Variants in PCDH19 observed in about 807,000 individuals in gnomAD.
PCDH19 encodes protocadherin 19, also known as protocadherin-19.
Under a neutral mutation model 46.2 loss-of-function variants are expected in PCDH19, and 6 were observed. The ratio of observed to expected loss-of-function variants is 0.13; its 90% CI spans 0.07 to 0.26. The LOEUF (loss-of-function observed/expected upper bound fraction) is 0.26, where lower values mean the gene tolerates loss of function less well. Ranked by LOEUF, PCDH19 falls within the 10% of genes least tolerant of loss-of-function variation. PCDH19 has a pLI of 1.00. For synonymous variants in PCDH19, 481 were observed against 415.7 expected (o/e 1.16, Z -1.91); for missense variants, 740 against 972.3 (o/e 0.76, Z 3.18).
In PCDH19 at chrX:100,407,670, G is replaced by A. The variant is rs766714691; in HGVS notation, c.928C>T (p.His310Tyr). The A allele has an allele frequency of 8.2e-7, 1 of 1,212,232 alleles. No homozygotes were observed. The highest frequency in any genetic ancestry group is 1.8e-5 in the South Asian group (1 of 57,019). The part of the protein sequence containing the change: ...VTGALDYEEG[H>Y]VYELDVQAKD... ...GCCTGCACGTCCAGTTCGTACACGT[G>A]CCCCTCTTCGTAGTCTAAAGCGCCA... The change falls in exon 1 of 6, where the codon CAC becomes TAC. Residue 310 changes from histidine (H) to tyrosine (Y), a missense_variant. Coordinates refer to ENST00000373034, the MANE Select transcript of PCDH19 (RefSeq NM_001184880.2).
chrX:100,397,359 C>T (rs1485090558), intron 3 of PCDH19, among the ~76,000 whole-genome samples: 1 of 112,110 alleles, frequency 8.9e-6, no homozygotes, highest in Non-Finnish European at 1.9e-5. Flanking sequence ...TCCACGGCTA[C>T]GTCACTACTT....
intron 3 of PCDH19, among the ~76,000 whole-genome samples, chrX:100,394,973 C>T (rs1927982622): frequency 9.3e-6 from 1 of 106,987 alleles, no homozygotes; most frequent in East Asian, 2.9e-4. Context: ...CTGCAAGCTC[C>T]GCCTCCCGGG....
rs1290415291 is a variant in PCDH19, at chrX:100,292,873, G to A, written c.*3404C>T. On this transcript the variant is annotated 3_prime_UTR_variant, in exon 6 of 6. Coordinates refer to ENST00000373034, the MANE Select transcript of PCDH19 (RefSeq NM_001184880.2). ...ACCAAACTTGTCAGAATGCTTTGGG[G>A]GAACATTCAACATCAAAATGATCCC... 1 of 111,546 alleles carries A rather than the reference G, an allele frequency of 9.0e-6. No individual in the cohort carries two copies. The highest frequency in any genetic ancestry group is 1.9e-5 in the Non-Finnish European group (1 of 53,115). The allele number at this position is 111,546 out of a possible 1,213,427, so 9.2% of individuals were successfully genotyped here.
chrX:100,314,900 A>C (rs1925248931), intron 5 of PCDH19, among the ~76,000 whole-genome samples: 1 of 111,759 alleles, frequency 8.9e-6, no homozygotes, highest in East Asian at 2.8e-4. Context: ...ATAGTGTTCA[A>C]CTCATCTCTG....
In PCDH19 at chrX:100,402,768, C is replaced by T. The variant is rs886042264; in HGVS notation, c.2372G>A (p.Arg791Gln). Residue 791 changes from arginine to glutamine, a missense_variant, in exon 3 of 6, where the codon CGG becomes CAG. Transcript: ENST00000373034. The stretch of plus-strand genomic sequence containing the variant: ...CATCTTGTCTGTCTCCTCCACATCC[C>T]GGGGTACCAGGCGGATGTCATTCTT... ...ISKNDIRLVPRDVEETDKMNV... is the reference protein window; with the variant it reads ...ISKNDIRLVPQDVEETDKMNV... 25 of 1,208,974 alleles carry T rather than the reference C, an allele frequency of 2.1e-5. No homozygotes were observed. Among genetic ancestry groups the T allele is most frequent in the Non-Finnish European group, 2.6e-5 (23 of 894,314 alleles).
intron 3 of PCDH19, among the ~76,000 whole-genome samples, chrX:100,367,629 C>G (rs1927103322): frequency 9.0e-6 from 1 of 111,351 alleles, no homozygotes; most frequent in African/African-American, 3.3e-5. Context: ...TTCCCTGGAG[C>G]CATTTTGCAG....
At chrX:100,338,359 A>T (rs1271693824) in intron 5 of PCDH19, among the ~76,000 whole-genome samples, 1 of 104,938 alleles carries the variant, frequency 9.5e-6, no homozygotes, top group Non-Finnish European at 2.0e-5. Flanking sequence ...AAAAAAAAAA[A>T]AAAAATACAA....
chrX:100,346,768 G>T (rs780632517), intron 4 of PCDH19, among the ~76,000 whole-genome samples: 1 of 112,302 alleles, frequency 8.9e-6, no homozygotes, highest in South Asian at 3.7e-4. Context: ...CGCTGAGTCA[G>T]TGCTTTGTTC....
At position 100,305,511 on chromosome X, in the gene PCDH19, T is replaced by TG. The variant is rs774841923; in HGVS notation, c.2849-8637dup. Among the ~76,000 whole-genome samples the TG allele has an allele frequency of 3.6e-3, 403 of 111,007 alleles. 2 individuals are homozygous for TG. Among genetic ancestry groups the TG allele is most frequent in the Admixed American group, 0.01 (107 of 10,497 alleles). On this transcript the variant is annotated intron_variant, in intron 5 of 5. Transcript: ENST00000373034. ...CAGGAACTATACAACAGTAACACAA[T>TG]GAAAAAAAGGTATTCAGGCAATAAT...
chrX:100,400,377 T>C lies in PCDH19; in HGVS notation c.2616+2147A>G, dbSNP rs140073020. On this transcript the variant is annotated intron_variant, in intron 3 of 5. Coordinates refer to ENST00000373034, the MANE Select transcript of PCDH19 (RefSeq NM_001184880.2). ...AGTTGAACCTACTACACTACACAAG[T>C]CATATTCCTTGGAACAACTTTGCAT... is the stretch of plus-strand genomic sequence containing the variant. Among the ~76,000 whole-genome samples the C allele has an allele frequency of 9.3e-3, 1,040 of 112,207 alleles. 9 individuals carry two copies. Among genetic ancestry groups the C allele is most frequent in the Non-Finnish European group, 0.012 (648 of 53,186 alleles).
At chrX:100,348,065 C>CAAAAA (rs1177957771) in intron 4 of PCDH19, among the ~76,000 whole-genome samples, 19 of 40,504 alleles carry the variant, frequency 4.7e-4, no homozygotes, top group Admixed American at 9.7e-4. Flanking sequence ...GATTCCGTCT[C>CAAAAA]AAAAAAAAAA....
intron 5 of PCDH19, among the ~76,000 whole-genome samples, chrX:100,304,225 A>AT (rs1924871872): frequency 9.0e-6 from 1 of 111,616 alleles, no homozygotes; most frequent in African/African-American, 3.3e-5. Flanking sequence ...GAAAGACCTG[A>AT]AGACAGATCA....
intron 3 of PCDH19, among the ~76,000 whole-genome samples, chrX:100,395,372 C>G (rs903949832): frequency 1.8e-5 from 2 of 112,074 alleles, no homozygotes; most frequent in Non-Finnish European, 3.8e-5. Context: ...AAACAAACAC[C>G]CTTTGGCTGA....
chrX:100,325,568 C>A lies in PCDH19; in HGVS notation c.2848+16335G>T, dbSNP rs1602584938. 2.7e-5 allele frequency among the ~76,000 whole-genome samples: 3 copies of A among 111,038 alleles called. No individual in the cohort carries two copies. The East Asian group carries it at 8.5e-4, about 32-fold the overall frequency. On this transcript the variant is annotated intron_variant, in intron 5 of 5. Transcript: ENST00000373034. ...TATTTTTAGTAGAGATGGGGTTTCA[C>A]CATGTTGGCCAGGCTGGTCTTGAAC...
At chrX:100,398,963 G>GATGTTATTCTGA (rs752010365) in intron 3 of PCDH19, among the ~76,000 whole-genome samples, 9 of 111,721 alleles carry the variant, frequency 8.1e-5, no homozygotes, top group Non-Finnish European at 1.5e-4. Flanking sequence ...TCAGGAATAG[G>GATGTTATTCTGA]ATGTTATTCT....
At chrX:100,368,684 G>T (rs1477367649) in intron 3 of PCDH19, among the ~76,000 whole-genome samples, 1 of 53,959 alleles carries the variant, frequency 1.9e-5, no homozygotes, top group Non-Finnish European at 3.5e-5. Flanking sequence ...AAAAGAGGAA[G>T]AAGGTCACAA....
At position 100,409,852 on chromosome X, in the gene PCDH19, A is replaced by G. The variant is rs1195661839; in HGVS notation, c.-1255T>C. The stretch of plus-strand genomic sequence containing the variant: ...TTACTTGCAGGAGCGTCTTGATTTC[A>G]TCTTCCCGGAGAGGCGCTGGCCGCG... On this transcript the variant is annotated 5_prime_UTR_variant, in exon 1 of 6. An upstream start codon of the reference 5' UTR is lost. Coordinates refer to ENST00000373034, the MANE Select transcript of PCDH19 (RefSeq NM_001184880.2). The G allele has an allele frequency of 2.8e-5, 8 of 286,857 alleles. No homozygotes were observed. In the South Asian group the frequency reaches 4.8e-4, roughly 17 times the overall value. 23.6% of individuals were successfully genotyped at this position (286,857 alleles called of 1,213,427 possible).
intron 5 of PCDH19, among the ~76,000 whole-genome samples, chrX:100,308,114 G>A (rs1925008285): frequency 9.0e-6 from 1 of 111,206 alleles, no homozygotes; most frequent in Non-Finnish European, 1.9e-5. Flanking sequence ...AACAAATCTG[G>A]AAACTTCAGA....
rs147888544 is a variant in PCDH19, at chrX:100,346,176, A to C, written c.2676-4101T>G. Among the ~76,000 whole-genome samples the C allele has an allele frequency of 2.6e-3, 290 of 112,069 alleles. 1 individual carries two copies. The highest frequency in any genetic ancestry group is 8.8e-3 in the African/African-American group (273 of 30,867). On this transcript the variant is annotated intron_variant, in intron 4 of 5. Transcript: ENST00000373034. The stretch of plus-strand genomic sequence containing the variant: ...CCTAGAACAGGGTTCTGCACAGAAG[A>C]GTTACTCAGCAGATGCATGACGAAT...
Sources: gnomAD v4.1 joint callset for allele counts (sites outside exome capture counted in the v4.1 genomes callset) on GRCh38, gnomAD v4.1.1 for gene constraint, MANE v1.5 for transcripts, NCBI Gene and HGNC (gene_info 2026-07-23, HGNC 2026-07-21) for gene names.